The following ERF variants were observed in gnomAD, a reference collection of about 807,000 sequenced individuals.
ERF encodes the protein ETS domain-containing transcription factor ERF.
A neutral mutation model predicts 41.6 loss-of-function variants in ERF; 10 were observed. The observed-to-expected ratio is 0.24, with a 90% confidence interval of 0.15 to 0.41. The LOEUF is 0.41. ERF is among the 10% of genes least tolerant of loss of function. The pLI, the probability that ERF is intolerant of heterozygous loss-of-function variation, is 1.00. For missense variants in ERF, 621 were observed against 763.2 expected (o/e 0.81, Z 2.19); for synonymous variants, 395 against 342.4 (o/e 1.15, Z -1.70).
chr19:42,254,988 CG>C lies in ERF; in HGVS notation c.11del (p.Pro4ArgfsTer73). 1 of 1,473,224 alleles carries C rather than the reference CG, an allele frequency of 6.8e-7. No homozygotes were observed. The highest frequency in any genetic ancestry group is 8.9e-7 in the Non-Finnish European group (1 of 1,119,172). 91.3% of individuals were successfully genotyped at this position (1,473,224 alleles called of 1,614,324 possible). On this transcript the variant is annotated frameshift_variant, in exon 1 of 4. Coordinates refer to ENST00000222329, the MANE Select transcript of ERF (RefSeq NM_006494.4). LOFTEE classifies it high-confidence loss of function. MKT[P>X]ADTGFAFPDW... ...TGCCCCCGCCCCCACCTGTGTCCGC[CG>C]GGGTCTTCATGCTGGGGGGCCCGGG... is the stretch of plus-strand genomic sequence containing the variant.
Position 42,248,992 on chromosome 19 carries a change from G to A in ERF, c.1120C>T (p.Pro374Ser), listed in dbSNP as rs1305404363. 1 of 1,609,096 alleles carries A rather than the reference G, an allele frequency of 6.2e-7. No homozygotes were observed. The change falls in exon 4 of 4, where the codon CCA becomes TCA. Residue 374 changes from proline to serine, a missense_variant. By Grantham distance (74) the Pro-to-Ser change is moderately conservative. Around this residue, in one of 3 missense-constraint regions of ERF, gnomAD observed 569 missense variants for 625.5 expected, o/e 0.91. Coordinates refer to ENST00000222329, the MANE Select transcript of ERF (RefSeq NM_006494.4). The surrounding 1 kb of genome is among the most constrained non-coding windows in gnomAD (Gnocchi z 4.2). ...ASSSSSSSSS[P>S]FKFKLQPPPL... ...GGCGGCTGGAGCTTAAACTTGAATG[G>A]GGAGGAAGAAGAAGAAGAGGATGAC...
chr19:42,250,945 C>A lies in ERF; in HGVS notation c.23-380G>T, dbSNP rs920280385. Reference sequence around the variant, plus strand: ...GGTTGGGGTACAGCCCCCCAGCTTACCCCCACTCCCATTCAGAGCCAGTTG... The same window carrying A: ...GGTTGGGGTACAGCCCCCCAGCTTAACCCCACTCCCATTCAGAGCCAGTTG... On this transcript the variant is annotated intron_variant, in intron 1 of 3. Coordinates refer to ENST00000222329, the MANE Select transcript of ERF (RefSeq NM_006494.4). This position sits in a 1 kb window ranked among gnomAD's most constrained non-coding sequence, Gnocchi z 5.1. Among the ~76,000 whole-genome samples, 1 of 152,128 alleles carries A rather than the reference C, an allele frequency of 6.6e-6. No homozygotes were observed. The highest frequency in any genetic ancestry group is 2.4e-5 in the African/African-American group (1 of 41,430).
intron 1 of ERF, chr19:42,251,405 C>T: frequency 4.3e-6 from 4 of 930,864 alleles, no homozygotes; most frequent in Non-Finnish European, 4.9e-6. Flanking sequence ...TAGAGGTTGG[C>T]GGTGGGCTGG....
chr19:42,252,723 G>A (rs2036464343), intron 1 of ERF, among the ~76,000 whole-genome samples: 1 of 152,104 alleles, frequency 6.6e-6, no homozygotes, highest in African/African-American at 2.4e-5. Flanking sequence ...CCTGTTCCCG[G>A]CTTTGGGGGG....
At position 42,255,092 on chromosome 19, in the gene ERF, T is replaced by C; in HGVS notation, c.-93A>G. The stretch of plus-strand genomic sequence containing the variant: ...CCGTCCCGCGCCCGTCGGGCCGCCC[T>C]CGCCGCCTCACCCGGCCTCGCCTCT... On this transcript the variant is annotated 5_prime_UTR_variant, in exon 1 of 4. Transcript: ENST00000222329. 2 of 1,140,972 alleles carry C rather than the reference T, an allele frequency of 1.8e-6. No individual in the cohort carries two copies. Among genetic ancestry groups the C allele is most frequent in the Non-Finnish European group, 2.2e-6 (2 of 896,326 alleles). 70.7% of individuals were successfully genotyped at this position (1,140,972 alleles called of 1,614,324 possible).
intron 1 of ERF, chr19:42,253,841 C>A: frequency 9.5e-7 from 1 of 1,055,652 alleles, no homozygotes; most frequent in Non-Finnish European, 1.1e-6. Flanking sequence ...GGGGCACACA[C>A]CCGCACACAG....
In ERF at chr19:42,249,289, G is replaced by A. The variant is rs1374632947; in HGVS notation, c.823C>T (p.Leu275=). 2 of 1,603,922 alleles carry A rather than the reference G, an allele frequency of 1.2e-6. No individual in the cohort carries two copies. The highest frequency in any genetic ancestry group is 2.2e-5 in the East Asian group (1 of 44,480). Residue 275 remains leucine, a synonymous_variant, in exon 4 of 4, where the codon CTG becomes TTG. Transcript: ENST00000222329. The surrounding 1 kb of genome is among the most constrained non-coding windows in gnomAD (Gnocchi z 8.6). ...AGCGTGGGCGAGGGAGTGTAGGCCA[G>A]GTGGGTGGGCGTCATGGGCAGAGCC... ...SPALPMTPTH[L]AYTPSPTLSP... is the part of the protein sequence containing the mutation.
Position 42,250,583 on chromosome 19 carries a change from G to A in ERF, c.23-18C>T. 6.2e-7 allele frequency: 1 copy of A among 1,610,104 alleles called. No homozygotes were observed. On this transcript the variant is annotated intron_variant, in intron 1 of 3. Transcript: ENST00000222329. This position sits in a 1 kb window ranked among gnomAD's most constrained non-coding sequence, Gnocchi z 5.1. ...GGCAAACCCTGGGGACGGGAGGCAG[G>A]GAGTGGCCTGGGGTCAGGCTGCCAA...
intron 1 of ERF, among the ~76,000 whole-genome samples, chr19:42,253,458 C>T (rs892652389): frequency 3.3e-5 from 5 of 152,138 alleles, no homozygotes; most frequent in Non-Finnish European, 5.9e-5. Flanking sequence ...CGCCCCCCGA[C>T]AGGGTTGGGG....
At chr19:42,251,668 G>A (rs754218128) in intron 1 of ERF, among the ~76,000 whole-genome samples, 1 of 152,046 alleles carries the variant, frequency 6.6e-6, no homozygotes, top group Non-Finnish European at 1.5e-5. Flanking sequence ...CAGGCTGCAG[G>A]GGTCAATCCG....
chr19:42,248,611 C>A lies in ERF; in HGVS notation c.1501G>T (p.Ala501Ser), dbSNP rs760204780. 5 of 1,580,446 alleles carry A rather than the reference C, an allele frequency of 3.2e-6. No homozygotes were observed. The highest frequency in any genetic ancestry group is 1.7e-4 in the Middle Eastern group (1 of 5,910). The change falls in exon 4 of 4, where the codon GCT (alanine) becomes TCT (serine). Residue 501 changes from alanine to serine, a missense_variant. Coordinates refer to ENST00000222329, the MANE Select transcript of ERF (RefSeq NM_006494.4). This position sits in a 1 kb window ranked among gnomAD's most constrained non-coding sequence, Gnocchi z 4.2. ...DCRLEGGGGP[A>S]GGFEDEGEDK... ...TCACCCTCATCCTCAAAGCCCCCAG[C>A]GGGGCCCCCACCCCCTTCGAGGCGA...
In ERF at chr19:42,250,408, A is replaced by G. The variant is rs1316667726; in HGVS notation, c.180T>C (p.Pro60=). The G allele has an allele frequency of 3.7e-6, 6 of 1,613,660 alleles. No individual in the cohort carries two copies. Among genetic ancestry groups the G allele is most frequent in the African/African-American group, 2.7e-5 (2 of 74,910 alleles). Residue 60 remains proline (P), a synonymous_variant, in exon 2 of 4, where the codon CCT becomes CCC. Coordinates refer to ENST00000222329, the MANE Select transcript of ERF (RefSeq NM_006494.4). This position sits in a 1 kb window ranked among gnomAD's most constrained non-coding sequence, Gnocchi z 5.1. ...GDYGEFVIKD[P]DEVARLWGVR... ...CGCCCCACAGCCGGGCCACCTCATC[A>G]GGGTCTTTGATGACGAATTCCCCGT...
Position 42,248,632 on chromosome 19 carries a change from G to C in ERF, c.1480C>G (p.Leu494Val). 6.3e-7 allele frequency: 1 copy of C among 1,587,352 alleles called. No individual in the cohort carries two copies. The highest frequency in any genetic ancestry group is 8.6e-7 in the Non-Finnish European group (1 of 1,163,770). ...FKRRWSEDCR[L>V]EGGGGPAGGF... ...CCAGCGGGGCCCCCACCCCCTTCGA[G>C]GCGACAGTCTTCACTCCAGCGCCGC... Residue 494 changes from leucine (L) to valine (V), a missense_variant, in exon 4 of 4, where the codon CTC becomes GTC. Transcript: ENST00000222329. This position sits in a 1 kb window ranked among gnomAD's most constrained non-coding sequence, Gnocchi z 4.2.
chr19:42,254,020 A>G, intron 1 of ERF: 1 of 854,378 alleles, frequency 1.2e-6, no homozygotes, highest in Non-Finnish European at 1.4e-6. Flanking sequence ...CTCGGGCGCA[A>G]AGTCCAGCCC....
rs923763445 is a variant in ERF, at chr19:42,248,946, C to A, written c.1166G>T (p.Arg389Leu). The change falls in exon 4 of 4, where the codon CGG (arginine) becomes CTG (leucine). Residue 389 changes from arginine to leucine, a missense_variant. Transcript: ENST00000222329. This position sits in a 1 kb window ranked among gnomAD's most constrained non-coding sequence, Gnocchi z 4.2. ...LQPPPLGRRQ[R>L]AAGEKAVAGA... ...GGCTACGGCCTTCTCCCCAGCTGCC[C>A]GCTGCCGGCGTCCGAGTGGGGGCGG... 3.1e-6 allele frequency: 5 copies of A among 1,606,272 alleles called. No individual in the cohort carries two copies. The highest frequency in any genetic ancestry group is 4.2e-6 in the Non-Finnish European group (5 of 1,179,626).
chr19:42,251,612 G>A (rs888732528), intron 1 of ERF, among the ~76,000 whole-genome samples: 1 of 152,094 alleles, frequency 6.6e-6, no homozygotes, highest in East Asian at 1.9e-4. Context: ...ACTAGAGAGA[G>A]AAGGCCAAGG....
chr19:42,254,080 GA>G (rs1262828987), intron 1 of ERF, among the ~76,000 whole-genome samples: 2 of 151,654 alleles, frequency 1.3e-5, no homozygotes, highest in African/African-American at 4.8e-5. Flanking sequence ...GTCCGAGTGG[GA>G]GGGGGAGTTA....
At position 42,248,638 on chromosome 19, in the gene ERF, A is replaced by G; in HGVS notation, c.1474T>C (p.Cys492Arg). The G allele has an allele frequency of 6.3e-7, 1 of 1,589,308 alleles. No individual in the cohort carries two copies. The highest frequency in any genetic ancestry group is 8.6e-7 in the Non-Finnish European group (1 of 1,164,610). The change falls in exon 4 of 4, where the codon TGT (cysteine) becomes CGT (arginine). Residue 492 changes from cysteine to arginine, a missense_variant. By Grantham distance (180) the Cys-to-Arg change is radical. Coordinates refer to ENST00000222329, the MANE Select transcript of ERF (RefSeq NM_006494.4). This position sits in a 1 kb window ranked among gnomAD's most constrained non-coding sequence, Gnocchi z 4.2. ...LRFKRRWSED[C>R]RLEGGGGPAG... ...GGGCCCCCACCCCCTTCGAGGCGAC[A>G]GTCTTCACTCCAGCGCCGCTTAAAG... is the stretch of plus-strand genomic sequence containing the variant.
chr19:42,253,198 G>A (rs1235480856), intron 1 of ERF, among the ~76,000 whole-genome samples: 2 of 152,178 alleles, frequency 1.3e-5, no homozygotes, highest in Non-Finnish European at 2.9e-5. Flanking sequence ...GGTGGCAGAG[G>A]AAGAACACGC....
Sources: gnomAD v4.1 joint callset for allele counts (sites outside exome capture counted in the v4.1 genomes callset) on GRCh38, gnomAD v4.1.1 for gene constraint, gnomAD v4.1.1 regional missense constraint, Gnocchi (gnomAD v3.1) non-coding constraint, MANE v1.5 for transcripts, NCBI Gene and HGNC (gene_info 2026-07-23, HGNC 2026-07-21) for gene names.